Variants in CFAP36 observed in about 807,000 individuals in gnomAD.
The protein encoded by CFAP36 is cilia- and flagella-associated protein 36.
Under a neutral mutation model 50.5 loss-of-function variants are expected in CFAP36, and 37 were observed. That is an observed-to-expected ratio of 0.73 (90% CI 0.56 to 0.96). The LOEUF (loss-of-function observed/expected upper bound fraction) is 0.96, where lower values mean the gene tolerates loss of function less well. Among genes scored for constraint, CFAP36 ranks in the 50% least tolerant of loss-of-function variants. The pLI is 0.00. For missense variants in CFAP36, 407 were observed against 396.2 expected, an observed-to-expected ratio of 1.03 and a Z score of -0.23; for synonymous variants, 138 against 128.2, an observed-to-expected ratio of 1.08 and a Z score of -0.52.
At chr2:55,530,335 C>G (rs901244767) in intron 4 of CFAP36, among the ~76,000 whole-genome samples, 4 of 152,170 alleles carry the variant, frequency 2.6e-5, no homozygotes, top group Non-Finnish European at 4.4e-5. Flanking sequence ...AAACCTCTTT[C>G]CTGTGTAAAT....
chr2:55,534,189 C>T (rs79980239), intron 5 of CFAP36, among the ~76,000 whole-genome samples: 93 of 152,198 alleles, frequency 6.1e-4, no homozygotes, highest in African/African-American at 1.8e-3. Flanking sequence ...TTTTTACACC[C>T]GCATCATAGG....
intron 3 of CFAP36, 21 bp from the exon 4 acceptor site, chr2:55,528,857 A>C (rs1235868471): frequency 6.8e-7 from 1 of 1,469,752 alleles, no homozygotes; most frequent in Non-Finnish European, 9.4e-7. Flanking sequence ...TCTTCATTTC[A>C]CTTGAGACTT....
Position 55,544,922 on chromosome 2 carries a change from C to T in CFAP36, c.943C>T (p.Pro315Ser). 1.3e-6 allele frequency: 2 copies of T among 1,593,804 alleles called. No individual in the cohort carries two copies. The highest frequency in any genetic ancestry group is 2.2e-5 in the East Asian group (1 of 44,530). Residue 315 changes from proline to serine, a missense_variant, in exon 10 of 10, where the codon CCA (proline) becomes TCA (serine). Pro to Ser is a moderately conservative substitution (Grantham distance 74). Coordinates refer to ENST00000349456, the MANE Select transcript of CFAP36 (RefSeq NM_080667.7). ...TGEVEEMTEK[P>S]EMTAEEKQTL... ...TTTTTTTCAGGAAATGACAGAGAAACCAGAAATGACAGCAGAGGAGAAGCA... is the reference window on the plus strand; with the variant it reads ...TTTTTTTCAGGAAATGACAGAGAAATCAGAAATGACAGCAGAGGAGAAGCA...
Position 55,544,368 on chromosome 2 carries a change from A to G in CFAP36, c.926A>G (p.Glu309Gly). The stretch of plus-strand genomic sequence containing the variant: ...AAAGGAAAACCCACTGGGGAGGTAG[A>G]GGTATGGCTAGCCTTAATATGTCAA... ...EQKGKPTGEVEEMTEKPEMTA... is the reference protein window; with the variant it reads ...EQKGKPTGEVGEMTEKPEMTA... The change falls in exon 9 of 10, where the codon GAG (glutamate) becomes GGG (glycine). Residue 309 changes from glutamate (E) to glycine (G), a missense_variant and splice_region_variant. Transcript: ENST00000349456. 1 of 1,608,036 alleles carries G rather than the reference A, an allele frequency of 6.2e-7. No individual in the cohort carries two copies. The highest frequency in any genetic ancestry group is 2.2e-5 in the East Asian group (1 of 44,816).
chr2:55,539,006 C>T (rs1448920588), intron 7 of CFAP36: 1 of 1,189,390 alleles, frequency 8.4e-7, no homozygotes, highest in African/African-American at 1.6e-5. Context: ...GCAGAAGGTA[C>T]AGAGATTTCC....
chr2:55,531,874 C>G (rs1684360412), intron 4 of CFAP36, among the ~76,000 whole-genome samples: 1 of 152,092 alleles, frequency 6.6e-6, no homozygotes, highest in South Asian at 2.1e-4. Flanking sequence ...AGTTAGCTGC[C>G]TGATAATTCT....
chr2:55,543,718 A>AG (rs1260092450), intron 7 of CFAP36, among the ~76,000 whole-genome samples: 1 of 152,210 alleles, frequency 6.6e-6, no homozygotes, highest in Non-Finnish European at 1.5e-5. Context: ...GTTGAGAAGT[A>AG]GGTGAGAAAC....
At chr2:55,531,818 A>G (rs1684358881) in intron 4 of CFAP36, among the ~76,000 whole-genome samples, 1 of 152,166 alleles carries the variant, frequency 6.6e-6, no homozygotes, top group Non-Finnish European at 1.5e-5. Context: ...GCTTGAACCA[A>G]TTAGGAGTCA....
intron 7 of CFAP36, among the ~76,000 whole-genome samples, chr2:55,539,849 C>G (rs1210591518): frequency 6.6e-6 from 1 of 152,140 alleles, no homozygotes; most frequent in African/African-American, 2.4e-5. Context: ...GTTTTATTTG[C>G]ATTTCCCTGA....
intron 5 of CFAP36, 40 bp downstream of exon 5, chr2:55,534,000 A>G: frequency 8.2e-7 from 1 of 1,212,268 alleles, no homozygotes; most frequent in Non-Finnish European, 1.2e-6. Flanking sequence ...ATCATTATTA[A>G]TATTATATGA....
chr2:55,533,472 G>C (rs991932188), intron 4 of CFAP36, among the ~76,000 whole-genome samples: 10 of 152,060 alleles, frequency 6.6e-5, no homozygotes, highest in Admixed American at 2.0e-4. Context: ...GGTAGGCCGA[G>C]GGGGGCAGAT....
intron 4 of CFAP36, among the ~76,000 whole-genome samples, chr2:55,533,166 A>T (rs907585973): frequency 9.9e-5 from 15 of 152,150 alleles, no homozygotes; most frequent in Admixed American, 9.8e-4. Flanking sequence ...TTGTTTTGTG[A>T]CTCTTCTCAT....
chr2:55,525,661 G>A (rs907033469), intron 3 of CFAP36, among the ~76,000 whole-genome samples: 2 of 150,332 alleles, frequency 1.3e-5, no homozygotes, highest in Non-Finnish European at 3.0e-5. Flanking sequence ...ATAGAGTTTC[G>A]CTCTTGTTGC....
intron 4 of CFAP36, among the ~76,000 whole-genome samples, chr2:55,533,463 G>T (rs1684402387): frequency 6.6e-6 from 1 of 152,150 alleles, no homozygotes. Flanking sequence ...CGGCACTTTG[G>T]TAGGCCGAGG....
chr2:55,531,167 G>C (rs1218379551), intron 4 of CFAP36: 1 of 152,150 alleles, frequency 6.6e-6, no homozygotes, highest in East Asian at 1.9e-4. Context: ...AATAAGTCTG[G>C]AAAATAGTCT....
chr2:55,525,312 T>A (rs1394285386), intron 3 of CFAP36, among the ~76,000 whole-genome samples: 1 of 152,086 alleles, frequency 6.6e-6, no homozygotes, highest in Non-Finnish European at 1.5e-5. Context: ...GTTAGCTTGT[T>A]GTAGGTTGTG....
rs150300004 is a variant in CFAP36, at chr2:55,540,372, G to A, written c.640+2787G>A. Among the ~76,000 whole-genome samples, 66 of 152,122 alleles carry A rather than the reference G, an allele frequency of 4.3e-4. No individual in the cohort carries two copies. The East Asian group carries it at 5.4e-3, about 12-fold the overall frequency. On this transcript the variant is annotated intron_variant, in intron 7 of 9. Transcript: ENST00000349456. ...AGATGTCCATTTTCCTTTCCTCACCGTATTGCCTTTGCTCCTTTGTCAAAG... is the reference window on the plus strand; with the variant it reads ...AGATGTCCATTTTCCTTTCCTCACCATATTGCCTTTGCTCCTTTGTCAAAG...
chr2:55,542,200 C>G (rs753207657), intron 7 of CFAP36, among the ~76,000 whole-genome samples: 1 of 152,200 alleles, frequency 6.6e-6, no homozygotes, highest in Non-Finnish European at 1.5e-5. Context: ...TTTGCTTTGT[C>G]TGCTTTCTTA....
At chr2:55,524,422 A>ATTTTTT (rs57908457) in intron 3 of CFAP36, among the ~76,000 whole-genome samples, 12 of 99,374 alleles carry the variant, frequency 1.2e-4, no homozygotes, top group East Asian at 2.8e-4. Context: ...CACATGGCTA[A>ATTTTTT]TTTTTTTTTT....
Sources: gnomAD v4.1 joint callset for allele counts (sites outside exome capture counted in the v4.1 genomes callset) on GRCh38, gnomAD v4.1.1 for gene constraint, MANE v1.5 for transcripts, NCBI Gene and HGNC (gene_info 2026-07-23, HGNC 2026-07-21) for gene names.